The following MUCL1 variants were observed in gnomAD, a reference collection of about 807,000 sequenced individuals.
MUCL1 encodes the protein mucin-like protein 1.
MUCL1 carries 11 observed loss-of-function variants against 9.2 expected under a neutral mutation model. The ratio of observed to expected loss-of-function variants is 1.19; its 90% CI spans 0.75 to 1.97. MUCL1 has a LOEUF of 1.97. MUCL1 is among the 30% of genes most tolerant of loss of function. MUCL1 has a pLI of 0.00. For missense variants in MUCL1, 144 were observed against 110.9 expected, an observed-to-expected ratio of 1.30 and a Z score of -1.34; for synonymous variants, 48 against 40.5, an observed-to-expected ratio of 1.19 and a Z score of -0.71.
At chr12:54,857,530 C>T (rs369115374) in intron 3 of MUCL1, among the ~76,000 whole-genome samples, 6 of 152,198 alleles carry the variant, frequency 3.9e-5, no homozygotes, top group African/African-American at 1.4e-4. Context: ...TCAATCGGAA[C>T]ATATGCCAGG....
chr12:54,858,348 A>G lies in MUCL1; in HGVS notation c.*106A>G. 1 of 1,344,830 alleles carries G rather than the reference A, an allele frequency of 7.4e-7. No individual in the cohort carries two copies. The highest frequency in any genetic ancestry group is 1.2e-5 in the South Asian group (1 of 81,750). 83.3% of individuals were successfully genotyped at this position (1,344,830 alleles called of 1,614,324 possible). ...TACGATATCCCCTTTATCTCTAATC[A>G]GTTTATTTTCTTTCAAATAAAAAAT... On this transcript the variant is annotated 3_prime_UTR_variant, in exon 4 of 4. Coordinates refer to ENST00000308796, the MANE Select transcript of MUCL1 (RefSeq NM_058173.3).
intron 1 of MUCL1, among the ~76,000 whole-genome samples, chr12:54,834,136 T>G (rs1327352719): frequency 2.0e-5 from 3 of 152,168 alleles, no homozygotes; most frequent in Admixed American, 1.3e-4. Context: ...TTGTTCTATA[T>G]AAGACATATT....
At chr12:54,839,454 A>G in intron 1 of MUCL1, 1 of 701,958 alleles carries the variant, frequency 1.4e-6, no homozygotes, top group Non-Finnish European at 2.6e-6. Context: ...GCAGGTGGGT[A>G]AATGCGACAT....
At chr12:54,855,423 A>C in intron 2 of MUCL1, 1 of 432,036 alleles carries the variant, frequency 2.3e-6, no homozygotes, top group Non-Finnish European at 4.3e-6. Flanking sequence ...AGCATAAGGC[A>C]CAAGAGCATG....
At chr12:54,841,944 T>C (rs1488157781) in intron 1 of MUCL1, among the ~76,000 whole-genome samples, 2 of 152,174 alleles carry the variant, frequency 1.3e-5, no homozygotes, top group Non-Finnish European at 2.9e-5. Context: ...GTTACAGGCC[T>C]TAATAATTCT....
chr12:54,856,308 CT>C (rs1337498425), intron 2 of MUCL1, among the ~76,000 whole-genome samples: 15 of 152,136 alleles, frequency 9.9e-5, no homozygotes, highest in Non-Finnish European at 1.6e-4. Context: ...TGAGATACGT[CT>C]TCTTAGTCTG....
At chr12:54,846,365 G>C (rs1437083580) in intron 1 of MUCL1, among the ~76,000 whole-genome samples, 2 of 152,176 alleles carry the variant, frequency 1.3e-5, no homozygotes, top group Non-Finnish European at 1.5e-5. Context: ...TCTGACTACT[G>C]GGGCAACTGA....
At chr12:54,837,053 T>C (rs1218878243), upstream of MUCL1, among the ~76,000 whole-genome samples, 1 of 152,234 alleles carries the variant, frequency 6.6e-6, no homozygotes, top group Non-Finnish European at 1.5e-5. Flanking sequence ...ATGTATATTC[T>C]GCAGTTCTTG....
intron 1 of MUCL1, among the ~76,000 whole-genome samples, chr12:54,840,373 G>A (rs972523127): frequency 1.7e-4 from 26 of 152,220 alleles, no homozygotes; most frequent in African/African-American, 6.3e-4. Context: ...AATGGTAATA[G>A]CTGATGATAT....
chr12:54,841,643 T>C (rs1959212613), intron 1 of MUCL1, among the ~76,000 whole-genome samples: 1 of 152,222 alleles, frequency 6.6e-6, no homozygotes, highest in East Asian at 1.9e-4. Flanking sequence ...ATGTGTTCTT[T>C]GGGAAAATGT....
At chr12:54,847,928 C>A (rs1023965541) in intron 1 of MUCL1, among the ~76,000 whole-genome samples, 11 of 152,068 alleles carry the variant, frequency 7.2e-5, no homozygotes, top group African/African-American at 2.7e-4. Context: ...TATGCCCCAG[C>A]TCCCTTGGCA....
intron 2 of MUCL1, chr12:54,855,548 G>C: frequency 4.7e-6 from 1 of 213,012 alleles, no homozygotes; most frequent in Non-Finnish European, 9.7e-6. Flanking sequence ...GAAGTGATAT[G>C]AAAATAAGTC....
intron 1 of MUCL1, among the ~76,000 whole-genome samples, chr12:54,842,000 T>C (rs894491000): frequency 1.3e-5 from 2 of 152,170 alleles, no homozygotes; most frequent in African/African-American, 4.8e-5. Context: ...CAAGATTATC[T>C]TGACTCTATG....
chr12:54,831,579 T>C (rs1481921001), intron 1 of MUCL1, among the ~76,000 whole-genome samples: 1 of 152,120 alleles, frequency 6.6e-6, no homozygotes, highest in Non-Finnish European at 1.5e-5. Context: ...AGTTTCTTTT[T>C]GGTAACTTGA....
intron 1 of MUCL1, among the ~76,000 whole-genome samples, chr12:54,841,039 A>G (rs1959209034): frequency 6.6e-6 from 1 of 150,406 alleles, no homozygotes; most frequent in Admixed American, 6.6e-5. Context: ...TGCCTCTATG[A>G]GTTCAATTAT....
chr12:54,858,123 A>T, intron 3 of MUCL1, 70 bp from the exon 4 acceptor site: 6 of 1,585,552 alleles, frequency 3.8e-6, no homozygotes, highest in Non-Finnish European at 5.2e-6. Context: ...GTTCCTTCAG[A>T]TTCTGAAGAA....
intron 1 of MUCL1, among the ~76,000 whole-genome samples, chr12:54,847,356 C>T (rs1031439353): frequency 2.0e-4 from 31 of 152,204 alleles, no homozygotes. Context: ...TGGCTCACGC[C>T]TGTAATCCCA....
rs146901988 is a variant in MUCL1, at chr12:54,856,792, C to T, written c.123C>T (p.Ala41=). ...CAGCTGGTCCTGCTGATGATGAAGC[C>T]CCTGATGCTGAAACCACTGCTGCTG... ...YPATGPADDE[A]PDAETTAAAT... is the part of the protein sequence containing the mutation. The change falls in exon 3 of 4, where the codon GCC becomes GCT. Residue 41 remains alanine, a synonymous_variant. Coordinates refer to ENST00000308796, the MANE Select transcript of MUCL1 (RefSeq NM_058173.3). 2,790 of 1,613,122 alleles carry T rather than the reference C, an allele frequency of 1.7e-3. 13 individuals carry two copies. Among genetic ancestry groups the T allele is most frequent in the Non-Finnish European group, 2.0e-3 (2,310 of 1,179,602 alleles).
intron 1 of MUCL1, among the ~76,000 whole-genome samples, chr12:54,841,623 G>A (rs995751163): frequency 1.3e-5 from 2 of 152,046 alleles, no homozygotes; most frequent in African/African-American, 4.8e-5. Flanking sequence ...AATCCTTGTT[G>A]GCTATGTGTA....
Sources: gnomAD v4.1 joint callset for allele counts (sites outside exome capture counted in the v4.1 genomes callset) on GRCh38, gnomAD v4.1.1 for gene constraint, MANE v1.5 for transcripts, NCBI Gene and HGNC (gene_info 2026-07-23, HGNC 2026-07-21) for gene names.